The following ZC2HC1A variants were observed in gnomAD, a reference collection of about 807,000 sequenced individuals.
ZC2HC1A encodes zinc finger C2HC-type containing 1A.
Under a neutral mutation model 40.7 loss-of-function variants are expected in ZC2HC1A, and 28 were observed. That is an observed-to-expected ratio of 0.69 (90% CI 0.51 to 0.94). The LOEUF is 0.94. ZC2HC1A is among the 40% of genes least tolerant of loss of function. The pLI, the probability that ZC2HC1A is intolerant of heterozygous loss-of-function variation, is 0.00. For synonymous variants in ZC2HC1A, 129 were observed against 129.2 expected (o/e 1.00, Z 0.01); for missense variants, 389 against 386.3 (o/e 1.01, Z -0.06).
rs1585993573 is a variant in ZC2HC1A at position 78,686,450 on chromosome 8, T to G, written c.211-17T>G. 1 of 1,351,934 alleles carries G rather than the reference T, an allele frequency of 7.4e-7. No individual in the cohort carries two copies. The highest frequency in any genetic ancestry group is 1.9e-5 in the South Asian group (1 of 51,596). The allele number at this position is 1,351,934 out of a possible 1,614,324, so 83.7% of individuals were successfully genotyped here. A position where few individuals can be genotyped will look rare whatever the true frequency, so the allele number is the denominator to read the frequency against. On this transcript the variant is annotated splice_polypyrimidine_tract_variant and intron_variant, in intron 3 of 8. Coordinates refer to ENST00000263849, the MANE Select transcript of ZC2HC1A (RefSeq NM_016010.3). The stretch of plus-strand genomic sequence containing the variant: ...CTGTTTGTTTATTTATTTATTTATT[T>G]ATTTATTTATTTATAGCCAGAACCA...
chr8:78,689,410 A>G, intron 5 of ZC2HC1A, 37 bp downstream of exon 5: 1 of 1,517,614 alleles, frequency 6.6e-7, no homozygotes, highest in Non-Finnish European at 8.8e-7. Context: ...AAACGAGAAA[A>G]TGGCTCATGG....
At chr8:78,697,700 A>C (rs551406524) in intron 6 of ZC2HC1A, among the ~76,000 whole-genome samples, 194 bp downstream of exon 6, 1 of 139,058 alleles carries the variant, frequency 7.2e-6, no homozygotes, top group African/African-American at 2.7e-5. Context: ...TTTTTTTTTG[A>C]CGGAGTCTTG....
chr8:78,710,941 T>C (rs964173254), intron 7 of ZC2HC1A, among the ~76,000 whole-genome samples: 5 of 152,072 alleles, frequency 3.3e-5, no homozygotes, highest in Non-Finnish European at 5.9e-5. Flanking sequence ...CTCTTAGATA[T>C]CTATAATCTA....
At chr8:78,695,375 C>T (rs910163051) in intron 5 of ZC2HC1A, among the ~76,000 whole-genome samples, 2 of 152,048 alleles carry the variant, frequency 1.3e-5, no homozygotes, top group South Asian at 2.1e-4. Context: ...AATCTTTAGT[C>T]TCCATTATGT....
chr8:78,686,407 C>T, intron 3 of ZC2HC1A, 60 bp from the exon 4 acceptor site: 1 of 1,223,160 alleles, frequency 8.2e-7, no homozygotes, highest in Non-Finnish European at 1.1e-6. Context: ...TGTTTTATTT[C>T]AATATACTAA....
At position 78,687,711 on chromosome 8, in the gene ZC2HC1A, TATTTACGTAATACA is replaced by T. The variant is rs1563626848; in HGVS notation, c.352+1104_352+1117del. 1.4e-4 allele frequency among the ~76,000 whole-genome samples: 13 copies of T among 94,514 alleles called. 2 individuals are homozygous for T. Among genetic ancestry groups the T allele is most frequent in the East Asian group, 5.9e-4 (2 of 3,382 alleles). The allele number at this position is 94,514 out of a possible 152,430, so 62.0% of individuals were successfully genotyped here. A position where few individuals can be genotyped will look rare whatever the true frequency, so the allele number is the denominator to read the frequency against. On this transcript the variant is annotated intron_variant, in intron 4 of 8. Coordinates refer to ENST00000263849, the MANE Select transcript of ZC2HC1A (RefSeq NM_016010.3). The stretch of plus-strand genomic sequence containing the variant: ...ATATTTACGTAATACATTATATATA[TATTTACGTAATACA>T]TTATATATATTTATGTAATACATTA...
chr8:78,715,510 T>G (rs1468326862), intron 8 of ZC2HC1A, among the ~76,000 whole-genome samples, 182 bp downstream of exon 8: 1 of 152,182 alleles, frequency 6.6e-6, no homozygotes, highest in Non-Finnish European at 1.5e-5. Context: ...AAACCTTCTG[T>G]AAAGGATTAA....
At chr8:78,689,430 G>T in intron 5 of ZC2HC1A, 57 bp downstream of exon 5, 1 of 1,455,550 alleles carries the variant, frequency 6.9e-7, no homozygotes. Flanking sequence ...GACATTCATA[G>T]ATTATTGTTT....
intron 5 of ZC2HC1A, among the ~76,000 whole-genome samples, chr8:78,691,690 G>T (rs1437198982): frequency 6.6e-6 from 1 of 150,902 alleles, no homozygotes; most frequent in Non-Finnish European, 1.5e-5. Context: ...TTTCTTTTTT[G>T]GCTTTCTAGC....
chr8:78,667,723 C>T (rs752926508), intron 1 of ZC2HC1A, among the ~76,000 whole-genome samples: 2 of 152,046 alleles, frequency 1.3e-5, no homozygotes, highest in African/African-American at 4.8e-5. Context: ...AATGATAAAG[C>T]TTTACTCTCA....
intron 7 of ZC2HC1A, among the ~76,000 whole-genome samples, chr8:78,708,683 CTTTTTTTTTT>C (rs1192881506): frequency 8.3e-6 from 1 of 121,040 alleles, no homozygotes; most frequent in Non-Finnish European, 1.8e-5. Flanking sequence ...TTTTTTTTTT[CTTTTTTTTTT>C]TTTTGAGATG....
In ZC2HC1A at chr8:78,678,635, G is replaced by A. The variant is rs1257552994; in HGVS notation, c.166G>A (p.Ala56Thr). The A allele has an allele frequency of 1.9e-5, 31 of 1,612,362 alleles. No individual in the cohort carries two copies. The highest frequency in any genetic ancestry group is 1.6e-4 in the Middle Eastern group (1 of 6,072). Reference sequence around the variant, plus strand: ...GACTTTTGATTCAAGCAGACAGAGAGCTGAAGGAACTGATATTCCAACAGT... The same window carrying A: ...GACTTTTGATTCAAGCAGACAGAGAACTGAAGGAACTGATATTCCAACAGT... ...RKTFDSSRQR[A>T]EGTDIPTVKP... The change falls in exon 3 of 9, where the codon GCT becomes ACT. Residue 56 changes from alanine (A) to threonine (T), a missense_variant. Ala to Thr is a moderately conservative substitution (Grantham distance 58, BLOSUM62 0). Coordinates refer to ENST00000263849, the MANE Select transcript of ZC2HC1A (RefSeq NM_016010.3).
At chr8:78,685,816 A>G (rs1809950046) in intron 3 of ZC2HC1A, 1 of 152,236 alleles carries the variant, frequency 6.6e-6, no homozygotes, top group South Asian at 2.1e-4. Context: ...ACACTGTGTT[A>G]GTCTCTTTTC....
At chr8:78,695,522 G>A (rs1031932709) in intron 5 of ZC2HC1A, among the ~76,000 whole-genome samples, 4 of 152,124 alleles carry the variant, frequency 2.6e-5, no homozygotes, top group Non-Finnish European at 2.9e-5. Context: ...TGGGTCAGCA[G>A]TCTTGTTTCC....
intron 5 of ZC2HC1A, among the ~76,000 whole-genome samples, chr8:78,690,283 G>A (rs1810165159): frequency 6.6e-6 from 1 of 152,162 alleles, no homozygotes; most frequent in South Asian, 2.1e-4. Context: ...TTGGCAGCCG[G>A]GTGCAGTGGC....
intron 7 of ZC2HC1A, among the ~76,000 whole-genome samples, chr8:78,710,003 G>A (rs954293762): frequency 2.0e-5 from 3 of 152,052 alleles, no homozygotes; most frequent in Admixed American, 1.3e-4. Context: ...TACTTATTTC[G>A]TAAGTGAATT....
At chr8:78,701,265 G>C (rs1314353339) in intron 7 of ZC2HC1A, among the ~76,000 whole-genome samples, 1 of 152,188 alleles carries the variant, frequency 6.6e-6, no homozygotes, top group Non-Finnish European at 1.5e-5. Flanking sequence ...TTGTGAATGG[G>C]AGTTTGTTCC....
chr8:78,667,231 A>G (rs1332178150), intron 1 of ZC2HC1A, among the ~76,000 whole-genome samples: 1 of 152,238 alleles, frequency 6.6e-6, no homozygotes, highest in African/African-American at 2.4e-5. Flanking sequence ...TAACATGAGT[A>G]GAAGTTTATT....
Position 78,684,957 on chromosome 8 carries a change from T to A in ZC2HC1A, c.211-1510T>A, listed in dbSNP as rs372107890. On this transcript the variant is annotated intron_variant, in intron 3 of 8. Coordinates refer to ENST00000263849, the MANE Select transcript of ZC2HC1A (RefSeq NM_016010.3). Reference sequence around the variant, plus strand: ...CTTGTTTATAAATGTGATTCTTAATTTTTAAAAATTAGACAAGTTGATTCA... The same window carrying A: ...CTTGTTTATAAATGTGATTCTTAATATTTAAAAATTAGACAAGTTGATTCA... Among the ~76,000 whole-genome samples the A allele has an allele frequency of 7.9e-5, 12 of 152,306 alleles. No individual in the cohort carries two copies. In the East Asian group the frequency reaches 2.1e-3, roughly 27 times the overall value.
Sources: gnomAD v4.1 joint callset for allele counts (sites outside exome capture counted in the v4.1 genomes callset) on GRCh38, gnomAD v4.1.1 for gene constraint, MANE v1.5 for transcripts, NCBI Gene and HGNC (gene_info 2026-07-23, HGNC 2026-07-21) for gene names.